Variants in CAND2 observed in about 807,000 individuals in gnomAD.
CAND2 encodes cullin-associated NEDD8-dissociated protein 2.
A neutral mutation model predicts 98.9 loss-of-function variants in CAND2; 62 were observed. That is an observed-to-expected ratio of 0.63 (90% CI 0.51 to 0.77). The LOEUF (loss-of-function observed/expected upper bound fraction) is 0.77, where lower values mean the gene tolerates loss of function less well. CAND2 is among the 30% of genes least tolerant of loss of function. CAND2 has a pLI of 0.00. For synonymous variants in CAND2, 770 were observed against 731.9 expected, an observed-to-expected ratio of 1.05 and a Z score of -0.84; for missense variants, 1,501 against 1,655.2, an observed-to-expected ratio of 0.91 and a Z score of 1.62.
chr3:12,807,506 T>A, intron 3 of CAND2, 46 bp downstream of exon 3: 1 of 1,495,014 alleles, frequency 6.7e-7, no homozygotes, highest in Non-Finnish European at 8.9e-7. Context: ...TTGTCCTAGT[T>A]TATGGTAAAA....
At position 12,816,885 on chromosome 3, in the gene CAND2, C is replaced by A. The variant is rs747947187; in HGVS notation, c.1953C>A (p.Ala651=). The A allele has an allele frequency of 1.2e-6, 2 of 1,613,884 alleles. No individual in the cohort carries two copies. The highest frequency in any genetic ancestry group is 1.1e-5 in the South Asian group (1 of 91,084). Residue 651 remains alanine, a synonymous_variant, in exon 10 of 15, where the codon GCC becomes GCA. Transcript: ENST00000456430. ...PLQLDLQPIL[A]EALHILASFL... is the part of the protein sequence containing the mutation. ...AGCTTGACCTACAGCCCATCCTGGC[C>A]GAGGCACTGCACATTCTGGCCTCAT... is the stretch of plus-strand genomic sequence containing the variant.
intron 14 of CAND2, among the ~76,000 whole-genome samples, chr3:12,833,149 CATA>C (rs764273811): frequency 7.9e-5 from 12 of 152,162 alleles, no homozygotes; most frequent in South Asian, 2.1e-4. Context: ...AAGAGCCCAG[CATA>C]ATAAGGAACT....
At chr3:12,826,830 C>CTTT (rs1407883495) in intron 12 of CAND2, among the ~76,000 whole-genome samples, 14 of 131,774 alleles carry the variant, frequency 1.1e-4, no homozygotes, top group African/African-American at 3.2e-4. Flanking sequence ...GTAACATTTA[C>CTTT]TTTTTTTTTT....
Position 12,798,587 on chromosome 3 carries a change from G to A in CAND2, c.68+1799G>A, listed in dbSNP as rs189022700. ...CTGTTTTCCGGAGGCTTGGAGGAGT[G>A]CAGTGACTTGCCCAAGGTCACAGAG... On this transcript the variant is annotated intron_variant, in intron 1 of 14. Transcript: ENST00000456430. Among the ~76,000 whole-genome samples, 395 of 152,268 alleles carry A rather than the reference G, an allele frequency of 2.6e-3. 3 individuals carry two copies. The highest frequency in any genetic ancestry group is 8.6e-3 in the African/African-American group (357 of 41,544).
chr3:12,831,492 C>G lies in CAND2; in HGVS notation c.3403C>G (p.Leu1135Val). 1 of 1,614,146 alleles carries G rather than the reference C, an allele frequency of 6.2e-7. No individual in the cohort carries two copies. Residue 1135 changes from leucine (L) to valine (V), a missense_variant, in exon 14 of 15, where the codon CTG (leucine) becomes GTG (valine). Leu to Val is a conservative substitution (Grantham distance 32). This residue lies in a region of CAND2 where 1,427 missense variants were observed against 1,545.3 expected (regional missense o/e 0.92). Coordinates refer to ENST00000456430, the MANE Select transcript of CAND2 (RefSeq NM_001162499.2). ...RMLTFIMVAR[L>V]ATLCPAPVLQ... ...GCTGACCTTCATCATGGTTGCCCGG[C>G]TGGCCACCCTGTGTCCTGCACCTGT...
chr3:12,817,950 G>C (rs1032380596), intron 10 of CAND2, 74 bp downstream of exon 10: 2 of 1,359,106 alleles, frequency 1.5e-6, no homozygotes, highest in Admixed American at 5.2e-5. Flanking sequence ...CAGGCAGCTG[G>C]GGCAGAGTGA....
chr3:12,824,727 G>T (rs1575779815), intron 11 of CAND2, among the ~76,000 whole-genome samples: 1 of 152,138 alleles, frequency 6.6e-6, no homozygotes, highest in South Asian at 2.1e-4. Context: ...GGCCAACATG[G>T]TGAAACCCCG....
intron 1 of CAND2, among the ~76,000 whole-genome samples, chr3:12,797,658 T>C (rs528095470): frequency 1.3e-5 from 2 of 152,332 alleles, no homozygotes; most frequent in East Asian, 3.9e-4. Context: ...TGGCCAGTTC[T>C]GGCCCCTCCA....
At position 12,827,429 on chromosome 3, in the gene CAND2, C is replaced by T; in HGVS notation, c.3211-11C>T. ...CTGGGGCCATATCACCAACCTTCAT[C>T]CCTCCTGCAGGTGGAGATGGGGCCC... On this transcript the variant is annotated splice_polypyrimidine_tract_variant and intron_variant, in intron 12 of 14. Transcript: ENST00000456430. 1 of 1,609,938 alleles carries T rather than the reference C, an allele frequency of 6.2e-7. No individual in the cohort carries two copies. Among genetic ancestry groups the T allele is most frequent in the Non-Finnish European group, 8.5e-7 (1 of 1,177,598 alleles).
chr3:12,826,234 G>A (rs1258256046), intron 12 of CAND2, among the ~76,000 whole-genome samples: 1 of 152,220 alleles, frequency 6.6e-6, no homozygotes, highest in African/African-American at 2.4e-5. Context: ...ACACCAAGGA[G>A]CAGCTGCGTT....
chr3:12,815,136 C>T lies in CAND2; in HGVS notation c.1007-5C>T, dbSNP rs767517960. 1.2e-6 allele frequency: 2 copies of T among 1,601,152 alleles called. No homozygotes were observed. Among genetic ancestry groups the T allele is most frequent in the South Asian group, 2.2e-5 (2 of 89,728 alleles). ...GGTTCCACGTGTGTCTTGTTCCTGC[C>T]CCAGAGAGTGAAGACGAGTACAGCG... On this transcript the variant is annotated splice_polypyrimidine_tract_variant and splice_region_variant and intron_variant, in intron 7 of 14. Coordinates refer to ENST00000456430, the MANE Select transcript of CAND2 (RefSeq NM_001162499.2). The surrounding 1 kb of genome is among the most constrained non-coding windows in gnomAD (Gnocchi z 5.7).
Position 12,803,492 on chromosome 3 carries a change from A to C in CAND2, c.73A>C (p.Met25Leu), listed in dbSNP as rs1421422241. ...TCCTCCACCCTCCCTGTGCAGGTTC[A>C]TGGCCACCAGCGACCTGATGTCGGA... ...MTSSDKDFRF[M>L]ATSDLMSELQ... is the part of the protein sequence containing the mutation. Residue 25 changes from methionine to leucine, a missense_variant, in exon 2 of 15, where the codon ATG (methionine) becomes CTG (leucine). Coordinates refer to ENST00000456430, the MANE Select transcript of CAND2 (RefSeq NM_001162499.2). The C allele has an allele frequency of 1.2e-6, 2 of 1,607,454 alleles. No homozygotes were observed. The highest frequency in any genetic ancestry group is 3.4e-5 in the Admixed American group (2 of 59,580).
intron 14 of CAND2, 115 bp from the exon 15 acceptor site, chr3:12,833,640 G>A (rs569980849): frequency 1.2e-6 from 1 of 826,476 alleles, no homozygotes; most frequent in South Asian, 1.6e-5. Context: ...CCTCGCAGCA[G>A]GGATTTATGT....
At chr3:12,821,300 T>C in intron 11 of CAND2, among the ~76,000 whole-genome samples, 1 of 151,788 alleles carries the variant, frequency 6.6e-6, no homozygotes. Context: ...TTTGAGAGAC[T>C]GAGGCAAAAG....
chr3:12,830,804 C>CCGCT (rs2062046753), intron 13 of CAND2, among the ~76,000 whole-genome samples: 2 of 152,222 alleles, frequency 1.3e-5, no homozygotes, highest in African/African-American at 4.8e-5. Context: ...AAGTCCAGCA[C>CCGCT]CGCTGCTCCT....
chr3:12,831,644 C>A, intron 14 of CAND2, 72 bp downstream of exon 14: 1 of 906,322 alleles, frequency 1.1e-6, no homozygotes. Flanking sequence ...GTTCAGTTAC[C>A]CTTACTGAGC....
chr3:12,810,356 C>T, intron 5 of CAND2, 32 bp downstream of exon 5: 1 of 1,402,398 alleles, frequency 7.1e-7, no homozygotes. Flanking sequence ...CCTGGGCTGG[C>T]ATGGTGGGCG....
chr3:12,817,185 C>T lies in CAND2; in HGVS notation c.2253C>T (p.Ala751=), dbSNP rs749707550. The part of the protein sequence containing the change: ...LRLLRSPLLP[A]GVLAAAEGFL... ...TGCTGCGTTCGCCCCTGTTGCCAGC[C>T]GGGGTTCTGGCAGCTGCTGAAGGCT... Residue 751 remains alanine (A), a synonymous_variant, in exon 10 of 15, where the codon GCC becomes GCT. Transcript: ENST00000456430. 18 of 1,613,306 alleles carry T rather than the reference C, an allele frequency of 1.1e-5. No individual in the cohort carries two copies. The highest frequency in any genetic ancestry group is 7.7e-5 in the South Asian group (7 of 91,082).
rs1361390900 is a variant in CAND2, at chr3:12,820,146, C to T, written c.3005C>T (p.Pro1002Leu). 28 of 1,614,176 alleles carry T rather than the reference C, an allele frequency of 1.7e-5. No homozygotes were observed. The highest frequency in any genetic ancestry group is 2.4e-5 in the Non-Finnish European group (28 of 1,180,016). The part of the protein sequence containing the change: ...TAVKFLISDQ[P>L]HPIDPLLKSF... ...GTCAAGTTCCTTATCTCGGACCAGCCCCATCCCATTGACCCCCTCCTGAAG... is the reference window on the plus strand; with the variant it reads ...GTCAAGTTCCTTATCTCGGACCAGCTCCATCCCATTGACCCCCTCCTGAAG... The change falls in exon 11 of 15, where the codon CCC becomes CTC. Residue 1002 changes from proline (P) to leucine (L), a missense_variant. By Grantham distance (98) the Pro-to-Leu change is moderately conservative. Coordinates refer to ENST00000456430, the MANE Select transcript of CAND2 (RefSeq NM_001162499.2).
Sources: allele counts gnomAD v4.1 joint callset (sites outside exome capture counted in the v4.1 genomes callset), GRCh38; gene constraint gnomAD v4.1.1; regional missense constraint gnomAD v4.1.1; non-coding constraint Gnocchi (gnomAD v3.1); transcripts MANE v1.5; gene names NCBI Gene and HGNC (gene_info 2026-07-23, HGNC 2026-07-21).